The following CCNK variants were observed in gnomAD, a reference collection of about 807,000 sequenced individuals.
The protein encoded by CCNK is cyclin-K.
CCNK carries 9 observed loss-of-function variants against 65.0 expected under a neutral mutation model. That is an observed-to-expected ratio of 0.14 (90% CI 0.08 to 0.24). CCNK has a LOEUF of 0.24. CCNK is among the 10% of genes least tolerant of loss of function. The pLI is 1.00. For synonymous variants in CCNK, 279 were observed against 270.8 expected, an observed-to-expected ratio of 1.03 and a Z score of -0.30; for missense variants, 474 against 720.0, an observed-to-expected ratio of 0.66 and a Z score of 3.91.
intron 1 of CCNK, 31 bp from the exon 2 acceptor site, chr14:99,492,595 C>G (rs1896618319): frequency 1.0e-5 from 12 of 1,197,358 alleles, no homozygotes. Context: ...TGGAGTATTC[C>G]TTTCCAACTT....
At chr14:99,506,974 G>GT (rs1436646348) in intron 9 of CCNK, 102 bp from the exon 10 acceptor site, 1 of 808,052 alleles carries the variant, frequency 1.2e-6, no homozygotes, top group Non-Finnish European at 2.2e-6. Flanking sequence ...CATCTCTGTT[G>GT]TTTTTCTCCC....
At chr14:99,502,067 G>A (rs1896844273) in intron 6 of CCNK, 140 bp from the exon 7 acceptor site, 5 of 828,618 alleles carry the variant, frequency 6.0e-6, no homozygotes, top group South Asian at 4.8e-5. Context: ...GTAAAGACTT[G>A]AGTTTATTTA....
Position 99,503,608 on chromosome 14 carries a change from C to T in CCNK, c.1012-3C>T. 2 of 1,558,114 alleles carry T rather than the reference C, an allele frequency of 1.3e-6. No homozygotes were observed. The highest frequency in any genetic ancestry group is 1.7e-6 in the Non-Finnish European group (2 of 1,148,946). ...AACAATTGTGTATTTTCTTTTGTAA[C>T]AGGTTGTTTCTCCCAAAGAAGAGAA... is the stretch of plus-strand genomic sequence containing the variant. On this transcript the variant is annotated splice_region_variant and splice_polypyrimidine_tract_variant and intron_variant, in intron 8 of 10. Transcript: ENST00000389879.
At chr14:99,506,349 G>A (rs1896974726) in intron 9 of CCNK, 1 of 152,430 alleles carries the variant, frequency 6.6e-6, no homozygotes, top group Non-Finnish European at 1.5e-5. Context: ...CAGTTGTGAT[G>A]TGCACGCTGC....
chr14:99,481,425 G>C lies in CCNK; in HGVS notation c.-107G>C, dbSNP rs994818723. ...TAGGTCCCCGACATTCCATATACAA[G>C]ATGGCCGCAGTCGGCAAGGAGAGAC... On this transcript the variant is annotated 5_prime_UTR_variant, in exon 1 of 11. Transcript: ENST00000389879. 5.5e-5 allele frequency: 22 copies of C among 398,540 alleles called. No homozygotes were observed. The highest frequency in any genetic ancestry group is 4.1e-4 in the African/African-American group (20 of 48,636). 24.7% of individuals were successfully genotyped at this position (398,540 alleles called of 1,614,324 possible). A position where few individuals can be genotyped will look rare whatever the true frequency, so the allele number is the denominator to read the frequency against.
chr14:99,501,588 G>C (rs1013640614), intron 6 of CCNK, 175 bp downstream of exon 6: 1 of 582,866 alleles, frequency 1.7e-6, no homozygotes, highest in Admixed American at 3.2e-5. Flanking sequence ...TCCCGGCAGA[G>C]GGTTTCCTTC....
In CCNK at chr14:99,512,063, T is replaced by A. The variant is rs1897143496; in HGVS notation, c.*1281T>A. The stretch of plus-strand genomic sequence containing the variant: ...GCTCACAAAGAGGCCTTTATTTATC[T>A]AGCTCAAAGTAGACACTATCACAAT... On this transcript the variant is annotated 3_prime_UTR_variant, in exon 11 of 11. Coordinates refer to ENST00000389879, the MANE Select transcript of CCNK (RefSeq NM_001099402.2). 1 of 152,278 alleles carries A rather than the reference T, an allele frequency of 6.6e-6. No homozygotes were observed. Among genetic ancestry groups the A allele is most frequent in the African/African-American group, 2.4e-5 (1 of 41,476 alleles). 9.4% of individuals were successfully genotyped at this position (152,278 alleles called of 1,614,324 possible).
intron 9 of CCNK, chr14:99,504,802 A>G (rs1896933537): frequency 6.6e-6 from 1 of 152,226 alleles, no homozygotes; most frequent in Non-Finnish European, 1.5e-5. Flanking sequence ...AATGTTAGAC[A>G]CAAGAACGGG....
chr14:99,483,422 G>A (rs1002583520), intron 1 of CCNK, among the ~76,000 whole-genome samples: 1 of 152,140 alleles, frequency 6.6e-6, no homozygotes, highest in Non-Finnish European at 1.5e-5. Context: ...ATGTGGAGGT[G>A]CATGCCTGTA....
rs1896869414 is a variant in CCNK, at chr14:99,502,856, C to G, written c.883C>G (p.Gln295Glu). 2 of 1,613,342 alleles carry G rather than the reference C, an allele frequency of 1.2e-6. No homozygotes were observed. The highest frequency in any genetic ancestry group is 1.7e-6 in the Non-Finnish European group (2 of 1,179,540). The change falls in exon 8 of 11, where the codon CAA (glutamine) becomes GAA (glutamate). Residue 295 changes from glutamine (Q) to glutamate (E), a missense_variant. This residue lies in a region of CCNK where 229 missense variants were observed against 275.5 expected (regional missense o/e 0.83). Transcript: ENST00000389879. Reference protein sequence around the residue: ...VPQVQQSQPSQSSEPSQPQQK... With the variant: ...VPQVQQSQPSESSEPSQPQQK... The stretch of plus-strand genomic sequence containing the variant: ...GCAAGTACAGCAGTCACAGCCGTCT[C>G]AAAGCTCCGAACCATCCCAGCCCCA...
intron 1 of CCNK, among the ~76,000 whole-genome samples, chr14:99,487,637 A>C (rs994998482): frequency 2.6e-5 from 4 of 152,244 alleles, no homozygotes; most frequent in Admixed American, 1.3e-4. Flanking sequence ...CTTCAAAAAC[A>C]GGCAAAACAA....
chr14:99,505,941 C>G (rs376468487), intron 9 of CCNK: 1 of 152,428 alleles, frequency 6.6e-6, no homozygotes, highest in East Asian at 1.9e-4. Flanking sequence ...CTGATGTAGA[C>G]GGCTTTAGCT....
At chr14:99,492,945 G>T in intron 2 of CCNK, 71 bp downstream of exon 2, 1 of 1,255,536 alleles carries the variant, frequency 8.0e-7, no homozygotes, top group South Asian at 1.6e-5. Flanking sequence ...ATTAGATTCT[G>T]TAGACAAAAT....
chr14:99,500,941 A>G (rs187486951), intron 5 of CCNK, 70 bp downstream of exon 5: 1 of 955,996 alleles, frequency 1.0e-6, no homozygotes. Context: ...TGACACTCAA[A>G]TTACGCTTCT....
In CCNK at chr14:99,510,713, G is replaced by GC; in HGVS notation, c.1679dup (p.Pro561AlafsTer23). The GC allele has an allele frequency of 7.1e-7, 1 of 1,414,010 alleles. No homozygotes were observed. Among genetic ancestry groups the GC allele is most frequent in the Non-Finnish European group, 9.2e-7 (1 of 1,083,018 alleles). 87.6% of individuals were successfully genotyped at this position (1,414,010 alleles called of 1,614,324 possible). On this transcript the variant is annotated frameshift_variant, in exon 11 of 11. Coordinates refer to ENST00000389879, the MANE Select transcript of CCNK (RefSeq NM_001099402.2). LOFTEE classifies it high-confidence loss of function. The stretch of plus-strand genomic sequence containing the variant: ...TCCCCCCTGGAGGACAGCCTCCTGT[G>GC]CCCCCGCCCATTCCCCCACCCGGCA...
At chr14:99,490,002 C>T (rs977614123) in intron 1 of CCNK, among the ~76,000 whole-genome samples, 1 of 152,262 alleles carries the variant, frequency 6.6e-6, no homozygotes, top group Non-Finnish European at 1.5e-5. Context: ...CAGTTGTAAT[C>T]GTCTCAGGTG....
At chr14:99,507,019 C>A in intron 9 of CCNK, 57 bp from the exon 10 acceptor site, 1 of 1,010,622 alleles carries the variant, frequency 9.9e-7, no homozygotes, top group Non-Finnish European at 1.6e-6. Flanking sequence ...TTCTTTATGA[C>A]ATGCTTATTC....
rs921658036 is a variant in CCNK, at chr14:99,511,955, G to T, written c.*1173G>T. The T allele has an allele frequency of 7.9e-5, 12 of 152,274 alleles. No homozygotes were observed. The highest frequency in any genetic ancestry group is 2.9e-4 in the African/African-American group (12 of 41,440). 9.4% of individuals were successfully genotyped at this position (152,274 alleles called of 1,614,324 possible). On this transcript the variant is annotated 3_prime_UTR_variant, in exon 11 of 11. Coordinates refer to ENST00000389879, the MANE Select transcript of CCNK (RefSeq NM_001099402.2). ...GGCCCCGACTGAGCCCCCATCTGCG[G>T]TGCTTGAGGGGCCTTGGCCCTGTCT...
At chr14:99,500,493 A>G in intron 4 of CCNK, 1 of 340,084 alleles carries the variant, frequency 2.9e-6, no homozygotes, top group Non-Finnish European at 5.3e-6. Context: ...AGACTCATGT[A>G]TGTATTGAAA....
Sources: gnomAD v4.1 joint callset for allele counts (sites outside exome capture counted in the v4.1 genomes callset) on GRCh38, gnomAD v4.1.1 for gene constraint, gnomAD v4.1.1 regional missense constraint, MANE v1.5 for transcripts, NCBI Gene and HGNC (gene_info 2026-07-23, HGNC 2026-07-21) for gene names.